Variants in FRAS1 observed in about 807,000 individuals in gnomAD.
The protein encoded by FRAS1 is extracellular matrix organizing protein FRAS1.
Under a neutral mutation model 435.2 loss-of-function variants are expected in FRAS1, and 290 were observed. The observed-to-expected ratio is 0.67, with a 90% CI of 0.61 to 0.73. The LOEUF (loss-of-function observed/expected upper bound fraction) is 0.73. FRAS1 is among the 30% of genes least tolerant of loss of function. The pLI is 0.00. For synonymous variants in FRAS1, 1,800 were observed against 1,851.0 expected (o/e 0.97, Z 0.71); for missense variants, 4,860 against 5,001.5 (o/e 0.97, Z 0.85).
Position 78,477,951 on chromosome 4 carries a change from C to T in FRAS1, c.7988C>T (p.Ala2663Val), listed in dbSNP as rs779574423. The T allele has an allele frequency of 7.4e-6, 12 of 1,613,198 alleles. No homozygotes were observed. Among genetic ancestry groups the T allele is most frequent in the Admixed American group, 3.3e-5 (2 of 59,942 alleles). The change falls in exon 55 of 74, where the codon GCG (alanine) becomes GTG (valine). Residue 2663 changes from alanine to valine, a missense_variant. By Grantham distance (64) the Ala-to-Val change is moderately conservative (BLOSUM62 0). Transcript: ENST00000512123. ...GCCCTGTTAGGGGAATTCACCCAGG[C>T]GAAGGTCATTATCAACGATACCGAG... ...AYALLGEFTQ[A>V]KVIINDTEDE...
chr4:78,256,720 G>C (rs922403626), intron 6 of FRAS1, among the ~76,000 whole-genome samples: 1 of 152,004 alleles, frequency 6.6e-6, no homozygotes, highest in Admixed American at 6.6e-5. Flanking sequence ...GATGAAATTT[G>C]GTACCATACT....
chr4:78,178,191 C>G (rs948661312), intron 2 of FRAS1, among the ~76,000 whole-genome samples: 1 of 151,974 alleles, frequency 6.6e-6, no homozygotes, highest in African/African-American at 2.4e-5. Context: ...GTGTTCTCTC[C>G]TTTTTTTAAA....
At position 78,534,526 on chromosome 4, in the gene FRAS1, T is replaced by C; in HGVS notation, c.11003T>C (p.Leu3668Pro). 2 of 1,613,732 alleles carry C rather than the reference T, an allele frequency of 1.2e-6. No homozygotes were observed. The highest frequency in any genetic ancestry group is 1.7e-6 in the Non-Finnish European group (2 of 1,179,688). The part of the protein sequence containing the change: ...VVYSLNTEFQ[L>P]CNNEKVFLMD... Reference sequence around the variant, plus strand: ...TATTCACTTAACACTGAATTTCAGCTCTGCAATAATGAGAAGGTGTTCCTA... The same window carrying C: ...TATTCACTTAACACTGAATTTCAGCCCTGCAATAATGAGAAGGTGTTCCTA... The change falls in exon 71 of 74, where the codon CTC becomes CCC. Residue 3668 changes from leucine (L) to proline (P), a missense_variant. Transcript: ENST00000512123.
Position 78,093,563 on chromosome 4 carries a change from A to G in FRAS1, c.108+27547A>G, listed in dbSNP as rs111642113. Among the ~76,000 whole-genome samples, 273 of 152,358 alleles carry G rather than the reference A, an allele frequency of 1.8e-3. 1 individual carries two copies. Among genetic ancestry groups the G allele is most frequent in the African/African-American group, 6.3e-3 (262 of 41,588 alleles). Reference sequence around the variant, plus strand: ...ATTAAAATTGTTTTTATCTGAAGAAAAATAACAGGTATTCAAAATCTGAAC... The same window carrying G: ...ATTAAAATTGTTTTTATCTGAAGAAGAATAACAGGTATTCAAAATCTGAAC... On this transcript the variant is annotated intron_variant, in intron 2 of 73. Transcript: ENST00000512123.
At position 78,542,107 on chromosome 4, in the gene FRAS1, T is replaced by C. The variant is rs936616792; in HGVS notation, c.*983T>C. On this transcript the variant is annotated 3_prime_UTR_variant, in exon 74 of 74. Transcript: ENST00000512123. ...TGCTTCGGGAAAGTAAGTGATTCAT[T>C]TGAATAAGGCAAATTAGGAGAAAGC... 1 of 152,252 alleles carries C rather than the reference T, an allele frequency of 6.6e-6. No individual in the cohort carries two copies. Among genetic ancestry groups the C allele is most frequent in the African/African-American group, 2.4e-5 (1 of 41,462 alleles). The allele number at this position is 152,252 out of a possible 1,614,324, so 9.4% of individuals were successfully genotyped here.
intron 22 of FRAS1, among the ~76,000 whole-genome samples, chr4:78,368,513 T>A (rs1367686875): frequency 6.6e-6 from 1 of 152,150 alleles, no homozygotes; most frequent in African/African-American, 2.4e-5. Context: ...CTGGCTTTAT[T>A]TCTTTTATGT....
Position 78,511,493 on chromosome 4 carries a change from G to C in FRAS1, c.10000G>C (p.Glu3334Gln), listed in dbSNP as rs1352855411. ...TLKYLDVKHK[E>Q]HPNRIHISVQ... The stretch of plus-strand genomic sequence containing the variant: ...GAAATACCTGGATGTCAAACATAAG[G>C]AGCATCCGAACAGGTCAGGCAGGTG... The change falls in exon 64 of 74, where the codon GAG becomes CAG. Residue 3334 changes from glutamate (E) to glutamine (Q), a missense_variant. Glu to Gln is a conservative substitution (Grantham distance 29, BLOSUM62 2). Coordinates refer to ENST00000512123, the MANE Select transcript of FRAS1 (RefSeq NM_025074.7). 6.2e-7 allele frequency: 1 copy of C among 1,613,332 alleles called. No homozygotes were observed. The highest frequency in any genetic ancestry group is 8.5e-7 in the Non-Finnish European group (1 of 1,179,546).
intron 39 of FRAS1, 34 bp from the exon 40 acceptor site, chr4:78,438,868 G>C (rs766134095): frequency 1.2e-5 from 19 of 1,579,848 alleles, no homozygotes; most frequent in Non-Finnish European, 1.6e-5. Flanking sequence ...TGTCATCGTG[G>C]CTTATTCATT....
At chr4:78,426,698 G>T (rs1734010118) in intron 35 of FRAS1, among the ~76,000 whole-genome samples, 1 of 152,150 alleles carries the variant, frequency 6.6e-6, no homozygotes, top group African/African-American at 2.4e-5. Flanking sequence ...TAAGGCAAGT[G>T]GTGCTCACAG....
chr4:78,267,090 G>T (rs1408613109), intron 8 of FRAS1, 151 bp from the exon 9 acceptor site: 2 of 907,804 alleles, frequency 2.2e-6, no homozygotes, highest in East Asian at 5.3e-5. Flanking sequence ...CTAGGAAGAA[G>T]GGTTGAGGTG....
At chr4:78,135,825 C>T (rs979266029) in intron 2 of FRAS1, among the ~76,000 whole-genome samples, 4 of 152,040 alleles carry the variant, frequency 2.6e-5, no homozygotes, top group African/African-American at 9.7e-5. Context: ...GAGGGTATAC[C>T]GTCAATTCTC....
intron 2 of FRAS1, among the ~76,000 whole-genome samples, chr4:78,093,965 A>AC (rs1379506628): frequency 2.6e-5 from 4 of 151,836 alleles, no homozygotes; most frequent in South Asian, 2.1e-4. Context: ...TATGAAGCTC[A>AC]CCCCCCTCCC....
intron 2 of FRAS1, among the ~76,000 whole-genome samples, chr4:78,129,697 G>T (rs1438140235): frequency 1.3e-5 from 2 of 151,946 alleles, no homozygotes. Context: ...GGCAATCAAG[G>T]GTATTTTCAA....
intron 54 of FRAS1, among the ~76,000 whole-genome samples, chr4:78,477,084 AATTGATTCAC>A (rs1719874715): frequency 6.6e-6 from 1 of 152,106 alleles, no homozygotes; most frequent in African/African-American, 2.4e-5. Context: ...TACTGGGCTA[AATTGATTCAC>A]ATTTTAATGG....
At chr4:78,504,489 C>T (rs1232387242) in intron 61 of FRAS1, among the ~76,000 whole-genome samples, 40 of 152,114 alleles carry the variant, frequency 2.6e-4, no homozygotes, top group Admixed American at 2.6e-3. Flanking sequence ...TTCTTTGTCT[C>T]GTTTGATCTT....
At chr4:78,263,624 C>G (rs1438855728) in intron 6 of FRAS1, among the ~76,000 whole-genome samples, 1 of 152,174 alleles carries the variant, frequency 6.6e-6, no homozygotes, top group Non-Finnish European at 1.5e-5. Flanking sequence ...CATCAGCTAA[C>G]CTTCATTTTC....
intron 9 of FRAS1, among the ~76,000 whole-genome samples, chr4:78,275,605 T>C (rs1216735165): frequency 6.6e-6 from 1 of 152,194 alleles, no homozygotes; most frequent in Non-Finnish European, 1.5e-5. Flanking sequence ...AAATTCTGGG[T>C]TGAGAATTCT....
rs183381207 is a variant in FRAS1 at position 78,467,425 on chromosome 4, A to G, written c.7257+990A>G. Reference sequence around the variant, plus strand: ...ATCTCATTCTTTTTTATGGCTGAATAGTACTCCATTGTGTATATGTACCAC... The same window carrying G: ...ATCTCATTCTTTTTTATGGCTGAATGGTACTCCATTGTGTATATGTACCAC... On this transcript the variant is annotated intron_variant, in intron 50 of 73. Transcript: ENST00000512123. Among the ~76,000 whole-genome samples, 4 of 152,346 alleles carry G rather than the reference A, an allele frequency of 2.6e-5. No homozygotes were observed. The East Asian group carries it at 7.7e-4, about 29-fold the overall frequency.
intron 20 of FRAS1, among the ~76,000 whole-genome samples, chr4:78,340,236 A>G (rs1265313121): frequency 6.6e-6 from 1 of 152,204 alleles, no homozygotes; most frequent in Non-Finnish European, 1.5e-5. Context: ...AAATAAGCTG[A>G]AAAGGAAAAT....
Sources: gnomAD v4.1 joint callset for allele counts (sites outside exome capture counted in the v4.1 genomes callset) on GRCh38, gnomAD v4.1.1 for gene constraint, MANE v1.5 for transcripts, NCBI Gene and HGNC (gene_info 2026-07-23, HGNC 2026-07-21) for gene names.